Variants in TEX14 observed in about 807,000 individuals in gnomAD.
The protein encoded by TEX14 is inactive serine/threonine-protein kinase TEX14.
TEX14 carries 168 observed loss-of-function variants against 178.6 expected under a neutral mutation model. That is an observed-to-expected ratio of 0.94 (90% CI 0.83 to 1.07). The LOEUF is 1.07. Ranked by LOEUF, TEX14 falls within the 50% of genes least tolerant of loss-of-function variation. TEX14 has a pLI of 0.00. For synonymous variants in TEX14, 626 were observed against 634.1 expected (o/e 0.99, Z 0.19); for missense variants, 1,730 against 1,753.6 (o/e 0.99, Z 0.24).
chr17:58,615,240 T>C lies in TEX14; in HGVS notation c.873A>G (p.Glu291=). 6.2e-7 allele frequency: 1 copy of C among 1,609,940 alleles called. No individual in the cohort carries two copies. The highest frequency in any genetic ancestry group is 8.5e-7 in the Non-Finnish European group (1 of 1,176,294). ...RLADLLIAEQ[E]HSSKLRHPYL... ...TTGGGCTTCCTTCTCACCTGCTGTG[T>C]TCCTGCTCGGCAATTAACAAGTCGG... Residue 291 remains glutamate (E), a synonymous_variant, in exon 8 of 32, where the codon GAA becomes GAG. Coordinates refer to ENST00000349033, the MANE Select transcript of TEX14 (RefSeq NM_031272.5).
At chr17:58,590,409 C>A (rs981801221) in intron 15 of TEX14, among the ~76,000 whole-genome samples, 2 of 152,172 alleles carry the variant, frequency 1.3e-5, no homozygotes, top group Admixed American at 1.3e-4. Flanking sequence ...TTCTGAGAAT[C>A]CATCCTGAGG....
chr17:58,561,885 A>C (rs1332657292), intron 28 of TEX14, among the ~76,000 whole-genome samples: 1 of 152,076 alleles, frequency 6.6e-6, no homozygotes, highest in Non-Finnish European at 1.5e-5. Flanking sequence ...TAGGAGTTTG[A>C]GACCACCCTG....
At chr17:58,689,090 C>T (rs1015521974) in intron 1 of TEX14, among the ~76,000 whole-genome samples, 6 of 151,778 alleles carry the variant, frequency 4.0e-5, no homozygotes, top group African/African-American at 1.5e-4. Context: ...GCCACCACAC[C>T]CGGCTAATTT....
chr17:58,659,638 A>G (rs2047065889), intron 1 of TEX14, among the ~76,000 whole-genome samples: 2 of 152,202 alleles, frequency 1.3e-5, no homozygotes, highest in Non-Finnish European at 2.9e-5. Flanking sequence ...TTGTGTGATA[A>G]GAAATTTTTT....
intron 1 of TEX14, chr17:58,661,865 GGC>G (rs756229380): frequency 5.4e-6 from 2 of 372,202 alleles, no homozygotes; most frequent in Non-Finnish European, 9.6e-6. Flanking sequence ...CTGCCTTCCT[GGC>G]TCACAAGATT....
At chr17:58,631,738 A>T (rs904896609) in intron 2 of TEX14, 1 of 144,394 alleles carries the variant, frequency 6.9e-6, no homozygotes, top group Non-Finnish European at 1.6e-5. Flanking sequence ...CTCGTGAGAG[A>T]ACACAAATAT....
At chr17:58,609,308 A>G (rs563534801) in intron 10 of TEX14, among the ~76,000 whole-genome samples, 195 of 152,160 alleles carry the variant, frequency 1.3e-3, no homozygotes, top group African/African-American at 4.3e-3. Context: ...ACGGGGTTTC[A>G]CCGTGTTAGC....
In TEX14 at chr17:58,621,734, C is replaced by A; in HGVS notation, c.470G>T (p.Gly157Val). 3 of 1,614,204 alleles carry A rather than the reference C, an allele frequency of 1.9e-6. No individual in the cohort carries two copies. Among genetic ancestry groups the A allele is most frequent in the Non-Finnish European group, 2.5e-6 (3 of 1,180,026 alleles). The stretch of plus-strand genomic sequence containing the variant: ...CTTCTTCAGGAGGTCGTAAGAGAAG[C>A]CCTGGATGATGGCCTGCATGTGTGA... ...CASHMQAIIQ[G>V]FSYDLLKKID... The change falls in exon 5 of 32, where the codon GGC (glycine) becomes GTC (valine). Residue 157 changes from glycine (G) to valine (V), a missense_variant. Coordinates refer to ENST00000349033, the MANE Select transcript of TEX14 (RefSeq NM_031272.5).
chr17:58,636,362 C>T (rs1338941067), intron 2 of TEX14, among the ~76,000 whole-genome samples: 1 of 152,176 alleles, frequency 6.6e-6, no homozygotes, highest in African/African-American at 2.4e-5. Flanking sequence ...ATGTTGACAT[C>T]CTAATACCAC....
rs769570568 is a variant in TEX14 at position 58,570,492 on chromosome 17, G to A, written c.3718-8C>T. On this transcript the variant is annotated splice_polypyrimidine_tract_variant and splice_region_variant and intron_variant, in intron 24 of 31. Coordinates refer to ENST00000349033, the MANE Select transcript of TEX14 (RefSeq NM_031272.5). The stretch of plus-strand genomic sequence containing the variant: ...AAATGAAGACAATCTTTTCTATAAG[G>A]AAGAGATAAACATGGTAACTGTCAT... 9.9e-6 allele frequency: 15 copies of A among 1,517,822 alleles called. No individual in the cohort carries two copies. The highest frequency in any genetic ancestry group is 1.3e-5 in the Non-Finnish European group (15 of 1,142,898). 94.0% of individuals were successfully genotyped at this position (1,517,822 alleles called of 1,614,324 possible).
chr17:58,595,588 T>A (rs2045260568), intron 14 of TEX14, among the ~76,000 whole-genome samples: 1 of 152,190 alleles, frequency 6.6e-6, no homozygotes, highest in Non-Finnish European at 1.5e-5. Context: ...GAAGCTTGGG[T>A]GAGACTATTT....
chr17:58,662,413 TCTCACACACACACACACA>T (rs1395450883), intron 1 of TEX14, among the ~76,000 whole-genome samples: 19 of 127,740 alleles, frequency 1.5e-4, no homozygotes, highest in Non-Finnish European at 1.3e-4. Context: ...AGCACACATA[TCTCACACACACACACACA>T]CACACACACA....
intron 2 of TEX14, among the ~76,000 whole-genome samples, chr17:58,632,530 G>A (rs1443032320): frequency 6.6e-6 from 1 of 152,092 alleles, no homozygotes. Context: ...ATATTCCCCT[G>A]GTTTAAGCTT....
intron 1 of TEX14, among the ~76,000 whole-genome samples, chr17:58,659,175 C>T (rs1043979262): frequency 3.9e-5 from 6 of 152,112 alleles, no homozygotes; most frequent in African/African-American, 1.2e-4. Flanking sequence ...AGCAGTCCCC[C>T]ACTACCACAA....
chr17:58,587,852 C>A, intron 16 of TEX14, 44 bp downstream of exon 16: 5 of 1,130,262 alleles, frequency 4.4e-6, no homozygotes, highest in South Asian at 2.5e-5. Context: ...AACCCACCCC[C>A]ACCCCCGCTC....
intron 16 of TEX14, 25 bp from the exon 17 acceptor site, chr17:58,587,691 G>A (rs1395515349): frequency 6.5e-7 from 1 of 1,541,782 alleles, no homozygotes; most frequent in Non-Finnish European, 8.9e-7. Context: ...TTTTTTGGAG[G>A]TAGGGGGAGC....
At chr17:58,681,876 A>G (rs2047507074) in intron 1 of TEX14, among the ~76,000 whole-genome samples, 1 of 152,082 alleles carries the variant, frequency 6.6e-6, no homozygotes, top group Non-Finnish European at 1.5e-5. Context: ...AAAAGAAAAA[A>G]GAAATCTGGT....
chr17:58,596,181 T>C (rs1334271584), intron 14 of TEX14, among the ~76,000 whole-genome samples: 1 of 152,026 alleles, frequency 6.6e-6, no homozygotes, highest in Non-Finnish European at 1.5e-5. Flanking sequence ...AGATTCTGTC[T>C]TTAAAAATTT....
Position 58,601,923 on chromosome 17 carries a change from C to T in TEX14, c.1561G>A (p.Glu521Lys), listed in dbSNP as rs55694377. ...CCGTATCTCTGCACTCTGGGGCTCT[C>T]GGTTGGTTGAGTTCTCTGGGCTCCA... ...FTGAQRTQPT[E>K]SPRVQRYGLH... Residue 521 changes from glutamate to lysine, a missense_variant, in exon 13 of 32, where the codon GAG becomes AAG. Glu to Lys is a moderately conservative substitution (Grantham distance 56). Coordinates refer to ENST00000349033, the MANE Select transcript of TEX14 (RefSeq NM_031272.5). 22 of 1,613,152 alleles carry T rather than the reference C, an allele frequency of 1.4e-5. No individual in the cohort carries two copies. The East Asian group carries it at 3.6e-4, about 26-fold the overall frequency.
Sources: gnomAD v4.1 joint callset for allele counts (sites outside exome capture counted in the v4.1 genomes callset) on GRCh38, gnomAD v4.1.1 for gene constraint, MANE v1.5 for transcripts, NCBI Gene and HGNC (gene_info 2026-07-23, HGNC 2026-07-21) for gene names.